RELL2: variants seen among roughly 807,000 people sequenced by gnomAD.
RELL2 encodes RELT like 2, also known as RELT-like protein 2.
In RELL2, 18 loss-of-function variants were observed where a neutral mutation model predicts 27.5. The observed-to-expected ratio is 0.65, with a 90% CI of 0.45 to 0.97. The LOEUF (loss-of-function observed/expected upper bound fraction) is 0.97. Among genes scored for constraint, RELL2 ranks in the 50% least tolerant of loss-of-function variants. The probability of loss-of-function intolerance (pLI) is 0.00; values close to 1 mark genes in which losing one functional copy is unlikely to be tolerated. For synonymous variants in RELL2, 156 were observed against 147.5 expected (o/e 1.06, Z -0.42); for missense variants, 370 against 397.5 (o/e 0.93, Z 0.59).
At position 141,641,028 on chromosome 5, in the gene RELL2, C is replaced by T. The variant is rs1284379507; in HGVS notation, c.*359C>T. 2.7e-6 allele frequency: 1 copy of T among 376,920 alleles called. No individual in the cohort carries two copies. Among genetic ancestry groups the T allele is most frequent in the African/African-American group, 2.1e-5 (1 of 48,422 alleles). 23.3% of individuals were successfully genotyped at this position (376,920 alleles called of 1,614,324 possible). On this transcript the variant is annotated 3_prime_UTR_variant, in exon 7 of 7. Coordinates refer to ENST00000297164, the MANE Select transcript of RELL2 (RefSeq NM_173828.5). ...CCAGGCCCTGGCCTGGCCTTCGTGC[C>T]CTTTATTCATTGTCAATAAATCCGC...
rs1468240882 is a variant in RELL2, at chr5:141,637,154, C to A, written c.-1072C>A. 1.4e-5 allele frequency: 3 copies of A among 220,818 alleles called. No individual in the cohort carries two copies. Among genetic ancestry groups the A allele is most frequent in the Middle Eastern group, 1.4e-3 (1 of 700 alleles). 13.7% of individuals were successfully genotyped at this position (220,818 alleles called of 1,614,324 possible). On this transcript the variant is annotated 5_prime_UTR_variant, in exon 1 of 7. Coordinates refer to ENST00000297164, the MANE Select transcript of RELL2 (RefSeq NM_173828.5). ...GCCGTGGTCACTTCTCTAGGAAGCTCCGAAGATCCCGCCACTCCGTCCCTC... is the reference window on the plus strand; with the variant it reads ...GCCGTGGTCACTTCTCTAGGAAGCTACGAAGATCCCGCCACTCCGTCCCTC...
chr5:141,639,737 C>A lies in RELL2; in HGVS notation c.503+88C>A. ...TCCCAAAAGTGGGCCTTGGCTCTTT[C>A]CTCCTGGACTGGGAGCTCCGGCAGA... On this transcript the variant is annotated intron_variant, in intron 4 of 6. Coordinates refer to ENST00000297164, the MANE Select transcript of RELL2 (RefSeq NM_173828.5). The surrounding 1 kb of genome is among the most constrained non-coding windows in gnomAD (Gnocchi z 4.4). The A allele has an allele frequency of 7.2e-7, 1 of 1,386,712 alleles. No homozygotes were observed. 85.9% of individuals were successfully genotyped at this position (1,386,712 alleles called of 1,614,324 possible).
At position 141,638,394 on chromosome 5, in the gene RELL2, G is replaced by C; in HGVS notation, c.169G>C (p.Ala57Pro). The C allele has an allele frequency of 6.2e-7, 1 of 1,611,038 alleles. No homozygotes were observed. Among genetic ancestry groups the C allele is most frequent in the Non-Finnish European group, 8.5e-7 (1 of 1,179,408 alleles). ...RTSRGSEPDDAQLQPPEDDDM... is the reference protein window; with the variant it reads ...RTSRGSEPDDPQLQPPEDDDM... ...GTCGAGGGGCTCTGAGCCTGACGAT[G>C]CCCAGCTTCAGCCCCGTGAGTGAGG... is the stretch of plus-strand genomic sequence containing the variant. The change falls in exon 1 of 7, where the codon GCC (alanine) becomes CCC (proline). Residue 57 changes from alanine to proline, a missense_variant. Transcript: ENST00000297164.
Position 141,640,214 on chromosome 5 carries a change from CGGAGGGAG to C in RELL2, c.801_808del (p.Gly268ProfsTer21). ...CTTCTGCAGAGCCAACACTGAGGGC[CGGAGGGAG>C]GGGCCCAAGCCCAGGGCTGCCCACT... On this transcript the variant is annotated frameshift_variant, in exon 5 of 7. Transcript: ENST00000297164. LOFTEE classifies it high-confidence loss of function. 6.2e-7 allele frequency: 1 copy of C among 1,614,134 alleles called. No homozygotes were observed. Among genetic ancestry groups the C allele is most frequent in the African/African-American group, 1.3e-5 (1 of 75,056 alleles).
At chr5:141,638,734 G>A (rs2099906483) in intron 1 of RELL2, 61 bp from the exon 2 acceptor site, 2 of 1,393,954 alleles carry the variant, frequency 1.4e-6, no homozygotes, top group Admixed American at 1.7e-5. Flanking sequence ...GGAGCCACCA[G>A]GTAATATTCC....
chr5:141,639,098 G>A lies in RELL2; in HGVS notation c.317+77G>A. 1 of 1,289,822 alleles carries A rather than the reference G, an allele frequency of 7.8e-7. No homozygotes were observed. The highest frequency in any genetic ancestry group is 1.1e-6 in the Non-Finnish European group (1 of 913,786). The allele number at this position is 1,289,822 out of a possible 1,614,324, so 79.9% of individuals were successfully genotyped here. ...TCTCCTCCAGCACAATCCTCTCCCA[G>A]CCTCCTTGCATGTATGGGGTTGGGG... On this transcript the variant is annotated intron_variant, in intron 3 of 6. Transcript: ENST00000297164. The surrounding 1 kb of genome is among the most constrained non-coding windows in gnomAD (Gnocchi z 4.4).
intron 5 of RELL2, 57 bp from the exon 6 acceptor site, chr5:141,640,355 G>A: frequency 1.2e-6 from 2 of 1,614,046 alleles, no homozygotes; most frequent in South Asian, 2.2e-5. Flanking sequence ...TACTCTGGGG[G>A]GCACTGATAG....
Position 141,638,839 on chromosome 5 carries a change from C to A in RELL2, c.229C>A (p.Arg77Ser). The change falls in exon 2 of 7, where the codon CGC becomes AGC. Residue 77 changes from arginine to serine, a missense_variant. Physicochemically the swap from Arg to Ser is moderately radical, Grantham distance 110. Transcript: ENST00000297164. The stretch of plus-strand genomic sequence containing the variant: ...TGAGGACACAGTAGAGAGGATTGTT[C>A]GCTGCATCATCCAGAATGAAGGTGG... The part of the protein sequence containing the change: ...MNEDTVERIV[R>S]CIIQNEANAE... 1 of 1,614,150 alleles carries A rather than the reference C, an allele frequency of 6.2e-7. No individual in the cohort carries two copies. Among genetic ancestry groups the A allele is most frequent in the South Asian group, 1.1e-5 (1 of 91,084 alleles).
In RELL2 at chr5:141,639,720, G is replaced by T. The variant is rs954479405; in HGVS notation, c.503+71G>T. 4.8e-6 allele frequency: 7 copies of T among 1,463,290 alleles called. No individual in the cohort carries two copies. Among genetic ancestry groups the T allele is most frequent in the Non-Finnish European group, 6.5e-6 (7 of 1,075,564 alleles). The allele number at this position is 1,463,290 out of a possible 1,614,324, so 90.6% of individuals were successfully genotyped here. ...AGTGATCAGGCACCTGATCCCAAAA[G>T]TGGGCCTTGGCTCTTTCCTCCTGGA... On this transcript the variant is annotated intron_variant, in intron 4 of 6. Coordinates refer to ENST00000297164, the MANE Select transcript of RELL2 (RefSeq NM_173828.5). The surrounding 1 kb of genome is among the most constrained non-coding windows in gnomAD (Gnocchi z 4.4).
At position 141,640,892 on chromosome 5, in the gene RELL2, C is replaced by T; in HGVS notation, c.*223C>T. ...AACAGGCTGCCTGCCCCGCCTTCCC[C>T]AACACCTCGCTCCATATGATAGAGC... On this transcript the variant is annotated 3_prime_UTR_variant, in exon 7 of 7. Transcript: ENST00000297164. The T allele has an allele frequency of 3.4e-6, 2 of 585,588 alleles. No individual in the cohort carries two copies. Among genetic ancestry groups the T allele is most frequent in the Non-Finnish European group, 3.0e-6 (1 of 330,576 alleles). The allele number at this position is 585,588 out of a possible 1,614,324, so 36.3% of individuals were successfully genotyped here.
Position 141,639,244 on chromosome 5 carries a change from T to TTGGGTTAAGCAG in RELL2, c.318-217_318-206dup. 1.6e-6 allele frequency: 1 copy of TTGGGTTAAGCAG among 610,140 alleles called. No individual in the cohort carries two copies. Among genetic ancestry groups the TTGGGTTAAGCAG allele is most frequent in the Non-Finnish European group, 2.9e-6 (1 of 348,408 alleles). The allele number at this position is 610,140 out of a possible 1,614,324, so 37.8% of individuals were successfully genotyped here. On this transcript the variant is annotated intron_variant, in intron 3 of 6. Coordinates refer to ENST00000297164, the MANE Select transcript of RELL2 (RefSeq NM_173828.5). This position sits in a 1 kb window ranked among gnomAD's most constrained non-coding sequence, Gnocchi z 4.4. ...AACATTCACCTCTAGTGCCACTCCTTTGGGTTAAGCAGTGTTCTTTTTAGC... is the reference window on the plus strand; with the variant it reads ...AACATTCACCTCTAGTGCCACTCCTTTGGGTTAAGCAGTGGGTTAAGCAGTGTTCTTTTTAGC...
chr5:141,638,120 GCTT>G lies in RELL2; in HGVS notation c.-105_-103del. ...GACCTCAGCCGGACGTCTTAGACGT[GCTT>G]GTTTCAGATCCTGAGGACGGCATTC... On this transcript the variant is annotated 5_prime_UTR_variant, in exon 1 of 7. Transcript: ENST00000297164. 1.3e-6 allele frequency: 1 copy of G among 742,290 alleles called. No homozygotes were observed. The highest frequency in any genetic ancestry group is 2.3e-6 in the Non-Finnish European group (1 of 435,594). 46.0% of individuals were successfully genotyped at this position (742,290 alleles called of 1,614,324 possible). A position where few individuals can be genotyped will look rare whatever the true frequency, so the allele number is the denominator to read the frequency against.
Position 141,639,823 on chromosome 5 carries a change from GAAGTAGCCACC to G in RELL2, c.504-94_504-84del. 1.4e-6 allele frequency: 2 copies of G among 1,404,212 alleles called. No homozygotes were observed. The highest frequency in any genetic ancestry group is 3.5e-5 in the Admixed American group (2 of 57,606). The allele number at this position is 1,404,212 out of a possible 1,614,324, so 87.0% of individuals were successfully genotyped here. On this transcript the variant is annotated intron_variant, in intron 4 of 6. Transcript: ENST00000297164. This position sits in a 1 kb window ranked among gnomAD's most constrained non-coding sequence, Gnocchi z 4.4. Reference sequence around the variant, plus strand: ...GGCCTCCCCTACCTTAGGCCAGAGGGAAGTAGCCACCAAACTCAGGATGTCCCTGGTCAGAG... The same window carrying G: ...GGCCTCCCCTACCTTAGGCCAGAGGGAAACTCAGGATGTCCCTGGTCAGAG...
chr5:141,639,037 G>C lies in RELL2; in HGVS notation c.317+16G>C, dbSNP rs761004082. ...AGCTGTCCAGGTGAGCTGGAAACAA[G>C]GGCCAGCATGACTTAGCTTGCCTTG... On this transcript the variant is annotated intron_variant, in intron 3 of 6. Coordinates refer to ENST00000297164, the MANE Select transcript of RELL2 (RefSeq NM_173828.5). This position sits in a 1 kb window ranked among gnomAD's most constrained non-coding sequence, Gnocchi z 4.4. The C allele has an allele frequency of 2.4e-5, 39 of 1,610,342 alleles. 1 individual carries two copies. In the South Asian group the frequency reaches 4.2e-4, roughly 17 times the overall value.
chr5:141,638,744 C>A, intron 1 of RELL2, 51 bp from the exon 2 acceptor site: 1 of 1,493,350 alleles, frequency 6.7e-7, no homozygotes, highest in Non-Finnish European at 9.3e-7. Flanking sequence ...GGTAATATTC[C>A]CCCAAAGCTG....
Position 141,640,023 on chromosome 5 carries a change from G to C in RELL2, c.607G>C (p.Gly203Arg), listed in dbSNP as rs2099906651. 6.2e-7 allele frequency: 1 copy of C among 1,613,528 alleles called. No individual in the cohort carries two copies. Among genetic ancestry groups the C allele is most frequent in the Non-Finnish European group, 8.5e-7 (1 of 1,179,774 alleles). The change falls in exon 5 of 7, where the codon GGT (glycine) becomes CGT (arginine). Residue 203 changes from glycine to arginine, a missense_variant. Transcript: ENST00000297164. Reference protein sequence around the residue: ...WGSGGGQDPGGGQGSGGGQPK... With the variant: ...WGSGGGQDPGRGQGSGGGQPK... ...CTCTGGTGGGGGACAGGACCCAGGG[G>C]GTGGTCAGGGGTCTGGGGGAGGGCA...
Position 141,639,390 on chromosome 5 carries a change from TGAAA to T in RELL2, c.318-70_318-67del. On this transcript the variant is annotated intron_variant, in intron 3 of 6. Coordinates refer to ENST00000297164, the MANE Select transcript of RELL2 (RefSeq NM_173828.5). The surrounding 1 kb of genome is among the most constrained non-coding windows in gnomAD (Gnocchi z 4.4). ...GCTTCTGGGGTTTTAAGGAGCATGC[TGAAA>T]GAACGTAAGAAACAAAACATGAAGG... 7.6e-7 allele frequency: 1 copy of T among 1,322,194 alleles called. No individual in the cohort carries two copies. Among genetic ancestry groups the T allele is most frequent in the Admixed American group, 2.3e-5 (1 of 44,030 alleles). The allele number at this position is 1,322,194 out of a possible 1,614,324, so 81.9% of individuals were successfully genotyped here. A position where few individuals can be genotyped will look rare whatever the true frequency, so the allele number is the denominator to read the frequency against.
In RELL2 at chr5:141,637,386, G is replaced by A. The variant is rs1316206095; in HGVS notation, c.-840G>A. 2.0e-5 allele frequency: 3 copies of A among 152,322 alleles called. No homozygotes were observed. The highest frequency in any genetic ancestry group is 7.2e-5 in the African/African-American group (3 of 41,448). 9.4% of individuals were successfully genotyped at this position (152,322 alleles called of 1,614,324 possible). ...GGCCCGGCGCAGTCACGCGCGCGCAGAGCTCACGCTCTCCGCCCCGCACAC... is the reference window on the plus strand; with the variant it reads ...GGCCCGGCGCAGTCACGCGCGCGCAAAGCTCACGCTCTCCGCCCCGCACAC... On this transcript the variant is annotated 5_prime_UTR_variant, in exon 1 of 7. Coordinates refer to ENST00000297164, the MANE Select transcript of RELL2 (RefSeq NM_173828.5).
rs369091288 is a variant in RELL2, at chr5:141,637,330, C to G, written c.-896C>G. ...CGGACCGCCTGTCCCCTACCCGGACCCAGACTCGGCGCCGCACATTGCCCC... is the reference window on the plus strand; with the variant it reads ...CGGACCGCCTGTCCCCTACCCGGACGCAGACTCGGCGCCGCACATTGCCCC... On this transcript the variant is annotated 5_prime_UTR_variant, in exon 1 of 7. Transcript: ENST00000297164. 4 of 152,750 alleles carry G rather than the reference C, an allele frequency of 2.6e-5. No homozygotes were observed. Among genetic ancestry groups the G allele is most frequent in the African/African-American group, 9.6e-5 (4 of 41,486 alleles). 9.5% of individuals were successfully genotyped at this position (152,750 alleles called of 1,614,324 possible). A position where few individuals can be genotyped will look rare whatever the true frequency, so the allele number is the denominator to read the frequency against.
Sources: allele counts gnomAD v4.1 joint callset, GRCh38; gene constraint gnomAD v4.1.1; non-coding constraint Gnocchi (gnomAD v3.1); transcripts MANE v1.5; gene names NCBI Gene and HGNC (gene_info 2026-07-23, HGNC 2026-07-21).